Variants in ERC1 observed in about 807,000 individuals in gnomAD.
The protein encoded by ERC1 is ELKS/RAB6-interacting/CAST family member 1, also known as RAB6 interacting protein 2.
In ERC1, 56 loss-of-function variants were observed where a neutral mutation model predicts 132.0. The observed-to-expected ratio is 0.42, with a 90% CI of 0.34 to 0.53. ERC1 has a LOEUF of 0.53. Ranked by LOEUF, ERC1 falls within the 20% of genes least tolerant of loss-of-function variation. The pLI is 0.03. For missense variants in ERC1, 1,202 were observed against 1,349.9 expected (o/e 0.89, Z 1.72); for synonymous variants, 478 against 476.1 (o/e 1.00, Z -0.05).
chr12:1,234,648 GT>G (rs2075293332), intron 12 of ERC1, among the ~76,000 whole-genome samples: 1 of 152,264 alleles, frequency 6.6e-6, no homozygotes, highest in Non-Finnish European at 1.5e-5. Context: ...AGCCAAGAGA[GT>G]TTTGAAGAAG....
Position 1,494,953 on chromosome 12 carries a change from G to T in ERC1, c.*4723G>T, listed in dbSNP as rs1168342966. On this transcript the variant is annotated 3_prime_UTR_variant, in exon 19 of 19. Coordinates refer to ENST00000360905, the MANE Select transcript of ERC1 (RefSeq NM_178040.4). ...CTTAGGAAGCATGGAGCACACTTAG[G>T]GTAGTGCCTGCCTGGGCAAGAGACA... is the stretch of plus-strand genomic sequence containing the variant. 4.3e-6 allele frequency: 1 copy of T among 230,704 alleles called. No individual in the cohort carries two copies. Among genetic ancestry groups the T allele is most frequent in the Non-Finnish European group, 8.6e-6 (1 of 116,620 alleles). 14.3% of individuals were successfully genotyped at this position (230,704 alleles called of 1,614,324 possible).
At chr12:999,653 C>T (rs1961769864) in intron 1 of ERC1, among the ~76,000 whole-genome samples, 1 of 131,294 alleles carries the variant, frequency 7.6e-6, no homozygotes, top group Admixed American at 8.7e-5. Context: ...CACTCTGTCG[C>T]CAGGCTGGAG....
chr12:1,354,052 C>CTCTTATCTTGGTGGTCTCGTG (rs528003851), intron 15 of ERC1, among the ~76,000 whole-genome samples: 20 of 151,648 alleles, frequency 1.3e-4, no homozygotes, highest in African/African-American at 4.8e-4. Context: ...TGTGCCCCGC[C>CTCTTATCTTGGTGGTCTCGTG]TCTTATCTTG....
chr12:1,306,824 G>A (rs1388212431), intron 15 of ERC1, among the ~76,000 whole-genome samples: 1 of 151,798 alleles, frequency 6.6e-6, no homozygotes, highest in East Asian at 1.9e-4. Flanking sequence ...TCATTTTATT[G>A]TAATTTCATC....
chr12:1,179,500 CTTTTTTT>C (rs58317880), intron 8 of ERC1, among the ~76,000 whole-genome samples: 11,857 of 95,508 alleles, frequency 0.12, 229 homozygotes, highest in Middle Eastern at 0.18. Flanking sequence ...ATTCATTTTT[CTTTTTTT>C]TTTTTTTTTT....
chr12:1,234,314 A>T (rs1182574026), intron 12 of ERC1, among the ~76,000 whole-genome samples: 1 of 152,226 alleles, frequency 6.6e-6, no homozygotes, highest in East Asian at 1.9e-4. Flanking sequence ...GATCCCAGTT[A>T]GCCACACAAC....
At chr12:1,373,509 C>T (rs75293151) in intron 16 of ERC1, among the ~76,000 whole-genome samples, 6,557 of 152,238 alleles carry the variant, frequency 0.043, 477 homozygotes, top group African/African-American at 0.15. Flanking sequence ...TGGCCGGGCA[C>T]GGTGGCTCAC....
rs537080393 is a variant in ERC1, at chr12:1,207,920, A to G, written c.2351+17868A>G. The stretch of plus-strand genomic sequence containing the variant: ...TTAAATTTCATATAAACCACAAATC[A>G]TCTTTTAGTATGTCTTATAATAACT... On this transcript the variant is annotated intron_variant, in intron 12 of 18. Transcript: ENST00000360905. Among the ~76,000 whole-genome samples, 9 of 152,250 alleles carry G rather than the reference A, an allele frequency of 5.9e-5. 1 individual carries two copies. The South Asian group carries it at 1.7e-3, about 28-fold the overall frequency.
chr12:1,451,683 TGTA>T (rs2093428268), intron 18 of ERC1, among the ~76,000 whole-genome samples: 1 of 152,174 alleles, frequency 6.6e-6, no homozygotes, highest in African/African-American at 2.4e-5. Context: ...TTAAATGTCT[TGTA>T]GTACACATCT....
intron 13 of ERC1, chr12:1,244,461 A>G (rs2076029706): frequency 6.9e-6 from 3 of 432,176 alleles, no homozygotes; most frequent in South Asian, 5.2e-5. Flanking sequence ...TAATAATTCT[A>G]GTATTAAAAT....
intron 17 of ERC1, among the ~76,000 whole-genome samples, chr12:1,418,334 C>T (rs1156535652): frequency 6.6e-6 from 1 of 152,182 alleles, no homozygotes; most frequent in Non-Finnish European, 1.5e-5. Context: ...ATTTTCTGAC[C>T]TGCCTCTAAA....
At chr12:1,151,360 TG>T (rs1950819178) in intron 8 of ERC1, among the ~76,000 whole-genome samples, 1 of 152,190 alleles carries the variant, frequency 6.6e-6, no homozygotes, top group South Asian at 2.1e-4. Flanking sequence ...TTGTCTTCTT[TG>T]CCCCTGGCTT....
At chr12:1,226,227 CTCA>C (rs2074563761) in intron 12 of ERC1, among the ~76,000 whole-genome samples, 3 of 152,144 alleles carry the variant, frequency 2.0e-5, no homozygotes, top group Admixed American at 6.5e-5. Flanking sequence ...AATGAATTAT[CTCA>C]TCATCTGTGT....
rs1220549824 is a variant in ERC1 at position 1,028,081 on chromosome 12, C to G, written c.178C>G (p.Gln60Glu). 1 of 1,614,156 alleles carries G rather than the reference C, an allele frequency of 6.2e-7. No homozygotes were observed. Among genetic ancestry groups the G allele is most frequent in the Non-Finnish European group, 8.5e-7 (1 of 1,180,016 alleles). Residue 60 changes from glutamine (Q) to glutamate (E), a missense_variant, in exon 2 of 19, where the codon CAA (glutamine) becomes GAA (glutamate). By Grantham distance (29) the Gln-to-Glu change is conservative (BLOSUM62 2). Transcript: ENST00000360905. ...SGKTLSMENI[Q>E]SLNAAYATSG... ...GAAAACCCTTTCAATGGAAAATATA[C>G]AATCTTTAAATGCTGCCTATGCCAC...
At chr12:1,115,135 A>G (rs1004772179) in intron 6 of ERC1, among the ~76,000 whole-genome samples, 10 of 152,328 alleles carry the variant, frequency 6.6e-5, no homozygotes, top group South Asian at 2.1e-4. Flanking sequence ...ATTTAAAAGG[A>G]GATGTAATTT....
At chr12:1,084,620 AAG>A (rs1565935555) in intron 3 of ERC1, among the ~76,000 whole-genome samples, 4 of 152,018 alleles carry the variant, frequency 2.6e-5, no homozygotes, top group Non-Finnish European at 4.4e-5. Flanking sequence ...TTATAACTCA[AAG>A]TATTGTTACC....
rs148033371 is a variant in ERC1, at chr12:1,450,004, T to C, written c.3213+5254T>C. 8.7e-3 allele frequency among the ~76,000 whole-genome samples: 1,331 copies of C among 152,288 alleles called. 16 individuals are homozygous for C. The highest frequency in any genetic ancestry group is 0.03 in the African/African-American group (1,264 of 41,548). On this transcript the variant is annotated intron_variant, in intron 18 of 18. Coordinates refer to ENST00000360905, the MANE Select transcript of ERC1 (RefSeq NM_178040.4). ...AAATTTTGAAAATATAGTATACCAC[T>C]TCAGGTATAGTATTGGAATCTGCCA...
Position 1,297,129 on chromosome 12 carries a change from A to C in ERC1, c.2780+7117A>C, listed in dbSNP as rs770500333. Among the ~76,000 whole-genome samples, 45 of 152,060 alleles carry C rather than the reference A, an allele frequency of 3.0e-4. No individual in the cohort carries two copies. The Middle Eastern group carries it at 0.017, about 57-fold the overall frequency. On this transcript the variant is annotated intron_variant, in intron 15 of 18. Transcript: ENST00000360905. Reference sequence around the variant, plus strand: ...AAAAAAGGCACAGTGCATAAAGGGAAACTATGATAGCTGAGTCCTTATCAG... The same window carrying C: ...AAAAAAGGCACAGTGCATAAAGGGACACTATGATAGCTGAGTCCTTATCAG...
intron 18 of ERC1, among the ~76,000 whole-genome samples, chr12:1,473,087 G>A (rs1042010059): frequency 6.6e-6 from 1 of 152,130 alleles, no homozygotes; most frequent in East Asian, 1.9e-4. Flanking sequence ...GTGCAGTGGT[G>A]CGATCTCAGC....
Sources: gnomAD v4.1 joint callset for allele counts (sites outside exome capture counted in the v4.1 genomes callset) on GRCh38, gnomAD v4.1.1 for gene constraint, MANE v1.5 for transcripts, NCBI Gene and HGNC (gene_info 2026-07-23, HGNC 2026-07-21) for gene names.